CRTAM: variants seen among roughly 807,000 people sequenced by gnomAD.
CRTAM encodes cytotoxic and regulatory T-cell molecule.
Under a neutral mutation model 50.0 loss-of-function variants are expected in CRTAM, and 44 were observed. The observed-to-expected ratio is 0.88, with a 90% confidence interval of 0.69 to 1.13. CRTAM has a LOEUF of 1.13. Among genes scored for constraint, CRTAM ranks in the 50% most tolerant of loss-of-function variants. CRTAM has a pLI of 0.00. For synonymous variants in CRTAM, 159 were observed against 169.3 expected (o/e 0.94, Z 0.47); for missense variants, 448 against 457.5 (o/e 0.98, Z 0.19).
At chr11:122,852,841 T>C (rs1861949565) in intron 3 of CRTAM, among the ~76,000 whole-genome samples, 1 of 152,162 alleles carries the variant, frequency 6.6e-6, no homozygotes, top group Non-Finnish European at 1.5e-5. Context: ...ACCTTTTTCA[T>C]CTTCGTATTG....
In CRTAM at chr11:122,850,202, A is replaced by G; in HGVS notation, c.181A>G (p.Asn61Asp). Residue 61 changes from asparagine to aspartate, a missense_variant, in exon 2 of 10, where the codon AAT becomes GAT. Asn to Asp is a conservative substitution (Grantham distance 23). Transcript: ENST00000227348. ...CCCCTCAGGGTTCACCATTTTTTTA[A>G]ATGAGTATCCTGGTAAGTGAAAGAA... is the stretch of plus-strand genomic sequence containing the variant. ...LTPSGFTIFL[N>D]EYPALKNSKY... The G allele has an allele frequency of 6.2e-7, 1 of 1,608,000 alleles. No individual in the cohort carries two copies. Among genetic ancestry groups the G allele is most frequent in the South Asian group, 1.1e-5 (1 of 90,626 alleles).
rs539190064 is a variant in CRTAM at position 122,865,043 on chromosome 11, A to T, written c.817+324A>T. On this transcript the variant is annotated intron_variant, in intron 7 of 9. Coordinates refer to ENST00000227348, the MANE Select transcript of CRTAM (RefSeq NM_019604.4). ...TCTTCCCTTTTTTTTATATATATAT[A>T]TTTTTTTTGTGAGACAGAGTTTCTT... Among the ~76,000 whole-genome samples, 151 of 150,334 alleles carry T rather than the reference A, an allele frequency of 1.0e-3. 1 individual carries two copies. The highest frequency in any genetic ancestry group is 4.3e-3 in the East Asian group (22 of 5,140).
At chr11:122,856,738 G>A (rs1234318941) in intron 5 of CRTAM, among the ~76,000 whole-genome samples, 1 of 152,250 alleles carries the variant, frequency 6.6e-6, no homozygotes, top group Admixed American at 6.5e-5. Flanking sequence ...CTGCCGTGAT[G>A]CCCTGTGGGG....
intron 5 of CRTAM, among the ~76,000 whole-genome samples, chr11:122,858,112 A>G (rs113332672): frequency 3.7e-4 from 57 of 152,188 alleles, no homozygotes; most frequent in African/African-American, 1.2e-3. Flanking sequence ...GGGTCTCCCT[A>G]TGTTGCTCAG....
intron 1 of CRTAM, 49 bp downstream of exon 1, chr11:122,838,641 T>C: frequency 6.4e-7 from 1 of 1,561,302 alleles, no homozygotes; most frequent in Non-Finnish European, 8.8e-7. Flanking sequence ...CTTAATGTTT[T>C]GCCACATCTA....
At chr11:122,853,403 T>C (rs942408348) in intron 3 of CRTAM, among the ~76,000 whole-genome samples, 1 of 151,992 alleles carries the variant, frequency 6.6e-6, no homozygotes, top group Non-Finnish European at 1.5e-5. Context: ...GTTGCTACAT[T>C]GCTTGTTCGG....
At chr11:122,851,887 T>C in intron 3 of CRTAM, 42 bp downstream of exon 3, 1 of 1,586,148 alleles carries the variant, frequency 6.3e-7, no homozygotes, top group South Asian at 1.1e-5. Flanking sequence ...GCAATATGGA[T>C]AGGAACACGA....
chr11:122,843,998 T>A (rs1044824209), intron 1 of CRTAM, among the ~76,000 whole-genome samples: 2 of 152,172 alleles, frequency 1.3e-5, no homozygotes, highest in Admixed American at 1.3e-4. Context: ...AGCAGACCCG[T>A]AAAGCCAAAA....
At chr11:122,869,476 A>C (rs763861978) in intron 9 of CRTAM, among the ~76,000 whole-genome samples, 1 of 152,226 alleles carries the variant, frequency 6.6e-6, no homozygotes, top group Non-Finnish European at 1.5e-5. Flanking sequence ...AAATATGTAA[A>C]GAAAATGAAG....
chr11:122,861,077 TCTC>T (rs1326500570), intron 5 of CRTAM, among the ~76,000 whole-genome samples: 2 of 152,128 alleles, frequency 1.3e-5, no homozygotes, highest in Non-Finnish European at 2.9e-5. Context: ...TGCCAGCAGC[TCTC>T]CTCTTTCTTC....
chr11:122,864,743 G>C, intron 7 of CRTAM, 24 bp downstream of exon 7: 1 of 1,532,250 alleles, frequency 6.5e-7, no homozygotes, highest in Admixed American at 1.7e-5. Flanking sequence ...ACTGCATTTA[G>C]AATAAACACT....
At chr11:122,870,122 C>A (rs1473131908) in intron 9 of CRTAM, among the ~76,000 whole-genome samples, 2 of 152,098 alleles carry the variant, frequency 1.3e-5, no homozygotes, top group Non-Finnish European at 2.9e-5. Flanking sequence ...ACTCTGTTGC[C>A]CAGGCTGGAG....
chr11:122,863,337 G>GAA (rs1289966241), intron 6 of CRTAM, among the ~76,000 whole-genome samples: 7 of 106,200 alleles, frequency 6.6e-5, no homozygotes, highest in Middle Eastern at 5.4e-3. Flanking sequence ...AAGAAAGAAA[G>GAA]AAAGAAAGAA....
In CRTAM at chr11:122,872,511, T is replaced by G. The variant is rs1862269121; in HGVS notation, c.*1112T>G. 6.5e-6 allele frequency: 1 copy of G among 152,688 alleles called. No individual in the cohort carries two copies. Among genetic ancestry groups the G allele is most frequent in the Non-Finnish European group, 1.5e-5 (1 of 68,052 alleles). The allele number at this position is 152,688 out of a possible 1,614,324, so 9.5% of individuals were successfully genotyped here. A position where few individuals can be genotyped will look rare whatever the true frequency, so the allele number is the denominator to read the frequency against. ...TTATACCAAGTTATACTTCCTGTTTTCACGTGTGAAAGTAACATGGGACAT... is the reference window on the plus strand; with the variant it reads ...TTATACCAAGTTATACTTCCTGTTTGCACGTGTGAAAGTAACATGGGACAT... On this transcript the variant is annotated 3_prime_UTR_variant, in exon 10 of 10. Transcript: ENST00000227348.
intron 7 of CRTAM, among the ~76,000 whole-genome samples, chr11:122,865,666 G>A (rs1013420831): frequency 6.6e-6 from 1 of 152,000 alleles, no homozygotes; most frequent in Non-Finnish European, 1.5e-5. Context: ...CTATGTATCT[G>A]TAGCTGAATT....
At chr11:122,870,356 C>T (rs961815037) in intron 9 of CRTAM, among the ~76,000 whole-genome samples, 6 of 152,120 alleles carry the variant, frequency 3.9e-5, no homozygotes, top group African/African-American at 1.4e-4. Context: ...GCTGGGATTA[C>T]AGGCATGAGC....
At position 122,850,194 on chromosome 11, in the gene CRTAM, T is replaced by C; in HGVS notation, c.173T>C (p.Ile58Thr). The change falls in exon 2 of 10, where the codon ATT (isoleucine) becomes ACT (threonine). Residue 58 changes from isoleucine (I) to threonine (T), a missense_variant. By Grantham distance (89) the Ile-to-Thr change is moderately conservative. Transcript: ENST00000227348. ...LQWLTPSGFT[I>T]FLNEYPALKN... ...TGGCTGACCCCCTCAGGGTTCACCA[T>C]TTTTTTAAATGAGTATCCTGGTAAG... 1.2e-6 allele frequency: 2 copies of C among 1,607,496 alleles called. No homozygotes were observed.
At chr11:122,863,915 C>A (rs866244802) in intron 6 of CRTAM, among the ~76,000 whole-genome samples, 1 of 151,732 alleles carries the variant, frequency 6.6e-6, no homozygotes, top group East Asian at 1.9e-4. Context: ...CACATAGTGG[C>A]GCTGTGCAAT....
intron 5 of CRTAM, chr11:122,862,215 G>T: frequency 1.9e-6 from 1 of 519,104 alleles, no homozygotes; most frequent in Non-Finnish European, 3.4e-6. Context: ...AATACTCTTT[G>T]CCTACCACTG....
Sources: gnomAD v4.1 joint callset for allele counts (sites outside exome capture counted in the v4.1 genomes callset) on GRCh38, gnomAD v4.1.1 for gene constraint, MANE v1.5 for transcripts, NCBI Gene and HGNC (gene_info 2026-07-23, HGNC 2026-07-21) for gene names.